TJP2: variants seen among roughly 807,000 people sequenced by gnomAD.
The protein encoded by TJP2 is Friedreich ataxia region gene X104 (tight junction protein ZO-2).
In TJP2, 91 loss-of-function variants were observed where a neutral mutation model predicts 133.1. The observed-to-expected ratio is 0.68, with a 90% CI of 0.58 to 0.81. TJP2 has a LOEUF of 0.81. Among genes scored for constraint, TJP2 ranks in the 40% least tolerant of loss-of-function variants. The pLI, the probability that TJP2 is intolerant of heterozygous loss-of-function variation, is 0.00. For missense variants in TJP2, 1,541 were observed against 1,565.6 expected, an observed-to-expected ratio of 0.98 and a Z score of 0.26; for synonymous variants, 592 against 583.4, an observed-to-expected ratio of 1.01 and a Z score of -0.21.
At chr9:69,159,361 T>C (rs969215299) in intron 2 of TJP2, among the ~76,000 whole-genome samples, 1 of 149,846 alleles carries the variant, frequency 6.7e-6, no homozygotes. Context: ...ATATATACAA[T>C]TTTTATTATA....
At chr9:69,190,785 T>C (rs1183327445) in intron 1 of TJP2, among the ~76,000 whole-genome samples, 3 of 152,238 alleles carry the variant, frequency 2.0e-5, no homozygotes, top group Non-Finnish European at 2.9e-5. Flanking sequence ...GTTGGCAAGC[T>C]ACATATAGCC....
intron 1 of TJP2, chr9:69,122,298 G>C (rs1269207850): frequency 6.6e-6 from 1 of 152,328 alleles, no homozygotes; most frequent in Non-Finnish European, 1.5e-5. Context: ...CGCGGCGCTG[G>C]TTATTGGAAG....
chr9:69,220,150 T>A (rs58401135), intron 4 of TJP2, among the ~76,000 whole-genome samples: 10,515 of 152,016 alleles, frequency 0.069, 836 homozygotes, highest in Admixed American at 0.24. Flanking sequence ...AATAATAAAT[T>A]AAATAAATAA....
intron 2 of TJP2, among the ~76,000 whole-genome samples, chr9:69,215,126 A>G (rs1250177506): frequency 6.6e-6 from 1 of 152,158 alleles, no homozygotes; most frequent in Non-Finnish European, 1.5e-5. Flanking sequence ...GGGTACACAC[A>G]GACACAAGGA....
At chr9:69,242,756 T>G (rs1487776486) in intron 17 of TJP2, among the ~76,000 whole-genome samples, 2 of 152,224 alleles carry the variant, frequency 1.3e-5, no homozygotes, top group Non-Finnish European at 1.5e-5. Context: ...CATCTCACCC[T>G]CGTCCCTCTT....
In TJP2 at chr9:69,226,016, A is replaced by G; in HGVS notation, c.1057-6A>G. ...CATTTAACATTACCATTTTTTATAA[A>G]CACAGATCAATGGGACTGTAACTGA... On this transcript the variant is annotated splice_region_variant and splice_polypyrimidine_tract_variant and intron_variant, in intron 6 of 22. Transcript: ENST00000377245. The G allele has an allele frequency of 3.7e-6, 6 of 1,614,078 alleles. No individual in the cohort carries two copies. The highest frequency in any genetic ancestry group is 5.1e-6 in the Non-Finnish European group (6 of 1,179,934).
At chr9:69,172,408 A>G (rs367605554), upstream of TJP2, among the ~76,000 whole-genome samples, 1 of 152,250 alleles carries the variant, frequency 6.6e-6, no homozygotes, top group East Asian at 1.9e-4. Flanking sequence ...TAGGGTAGCT[A>G]TTAGCCACAT....
chr9:69,200,048 A>C (rs1353407725), intron 1 of TJP2, among the ~76,000 whole-genome samples: 1 of 152,130 alleles, frequency 6.6e-6, no homozygotes, highest in Non-Finnish European at 1.5e-5. Context: ...TCTGAGGTGA[A>C]TATGCATTTT....
At chr9:69,248,759 A>T in intron 19 of TJP2, 4 of 995,310 alleles carry the variant, frequency 4.0e-6, no homozygotes, top group Non-Finnish European at 4.8e-6. Context: ...CACTGTGATT[A>T]GATAGCTTAT....
intron 2 of TJP2, among the ~76,000 whole-genome samples, chr9:69,156,242 T>C (rs1823750292): frequency 6.6e-6 from 1 of 152,138 alleles, no homozygotes; most frequent in Non-Finnish European, 1.5e-5. Flanking sequence ...TGTGCACCTG[T>C]AATCCCAGCT....
intron 1 of TJP2, among the ~76,000 whole-genome samples, chr9:69,193,891 A>G (rs552695278): frequency 7.2e-5 from 11 of 151,880 alleles, no homozygotes; most frequent in Non-Finnish European, 1.3e-4. Flanking sequence ...TTGTCTGTTG[A>G]TTTCCATTAG....
intron 12 of TJP2, 27 bp downstream of exon 12, chr9:69,234,574 G>GATC: frequency 2.4e-6 from 2 of 833,332 alleles, no homozygotes; most frequent in Admixed American, 4.3e-5. Context: ...ATTTAGTTTA[G>GATC]TTGGGGTGGG....
intron 10 of TJP2, among the ~76,000 whole-genome samples, 177 bp from the exon 11 acceptor site, chr9:69,229,905 T>C (rs1194857998): frequency 6.6e-6 from 1 of 152,186 alleles, no homozygotes; most frequent in Non-Finnish European, 1.5e-5. Flanking sequence ...ACTCATCTCA[T>C]GGTCCCAAGA....
chr9:69,199,248 A>C (rs1826815710), intron 1 of TJP2, among the ~76,000 whole-genome samples: 1 of 152,170 alleles, frequency 6.6e-6, no homozygotes, highest in South Asian at 2.1e-4. Context: ...ACATAATACC[A>C]GAGGGGGCTG....
At chr9:69,204,955 A>T in intron 1 of TJP2, 1 of 1,299,626 alleles carries the variant, frequency 7.7e-7, no homozygotes, top group African/African-American at 1.5e-5. Flanking sequence ...GCAAATCCAA[A>T]CTGCTTTCTT....
chr9:69,248,149 T>C lies in TJP2; in HGVS notation c.2805T>C (p.Asn935=). The part of the protein sequence containing the change: ...TDGEGGAYTD[N]ELDEPAEEPL... Reference sequence around the variant, plus strand: ...GTGAAGGAGGCGCCTACACTGACAATGAGCTGGATGAGCCAGCCGAGGAGC... The same window carrying C: ...GTGAAGGAGGCGCCTACACTGACAACGAGCTGGATGAGCCAGCCGAGGAGC... The change falls in exon 19 of 23, where the codon AAT becomes AAC. Residue 935 remains asparagine, a synonymous_variant. Coordinates refer to ENST00000377245, the MANE Select transcript of TJP2 (RefSeq NM_004817.4). 1 of 1,613,902 alleles carries C rather than the reference T, an allele frequency of 6.2e-7. No individual in the cohort carries two copies. The highest frequency in any genetic ancestry group is 8.5e-7 in the Non-Finnish European group (1 of 1,179,958).
chr9:69,201,603 T>C (rs1329380769), intron 1 of TJP2, among the ~76,000 whole-genome samples: 2 of 152,178 alleles, frequency 1.3e-5, no homozygotes, highest in Non-Finnish European at 2.9e-5. Flanking sequence ...TTGCACTTGG[T>C]CGACATTTGT....
In TJP2 at chr9:69,124,953, C is replaced by CT. The variant is rs1331608274; in HGVS notation, c.-131+3235dup. On this transcript the variant is annotated intron_variant, in intron 1 of 5. Transcript: ENST00000423935. ...TATTCCAGATTTATTAAGTCAAACT[C>CT]TTTTTTTGTTGTTGTTGAGATGGAG... 2.6e-5 allele frequency among the ~76,000 whole-genome samples: 2 copies of CT among 76,138 alleles called. 1 individual carries two copies. The highest frequency in any genetic ancestry group is 6.0e-5 in the Non-Finnish European group (2 of 33,182). 49.9% of individuals were successfully genotyped at this position (76,138 alleles called of 152,430 possible).
intron 1 of TJP2, among the ~76,000 whole-genome samples, chr9:69,185,096 G>A (rs6560618): frequency 1.4e-5 from 2 of 145,518 alleles, no homozygotes; most frequent in South Asian, 2.2e-4. Flanking sequence ...GAGTCTTGCT[G>A]TGTTGCCCAG....
Sources: gnomAD v4.1 joint callset for allele counts (sites outside exome capture counted in the v4.1 genomes callset) on GRCh38, gnomAD v4.1.1 for gene constraint, MANE v1.5 for transcripts, NCBI Gene and HGNC (gene_info 2026-07-23, HGNC 2026-07-21) for gene names.